The following FOXP2 variants were observed in gnomAD, a reference collection of about 807,000 sequenced individuals.
FOXP2 encodes forkhead box protein P2.
In FOXP2, 12 loss-of-function variants were observed where a neutral mutation model predicts 115.8. That is an observed-to-expected ratio of 0.10 (90% confidence interval 0.07 to 0.17). The LOEUF (loss-of-function observed/expected upper bound fraction) is 0.17, where lower values mean the gene tolerates loss of function less well. Among genes scored for constraint, FOXP2 ranks in the 10% least tolerant of loss-of-function variants. The pLI is 1.00. For synonymous variants in FOXP2, 328 were observed against 297.7 expected, an observed-to-expected ratio of 1.10 and a Z score of -1.05; for missense variants, 629 against 843.5, an observed-to-expected ratio of 0.75 and a Z score of 3.15.
chr7:114,673,581 A>G (rs2129346382), intron 16 of FOXP2, among the ~76,000 whole-genome samples: 1 of 152,362 alleles, frequency 6.6e-6, no homozygotes, highest in East Asian at 1.9e-4. Flanking sequence ...ATTTCAATAT[A>G]ATGTTGAAGG....
At chr7:114,388,434 A>G (rs1455941957) in intron 2 of FOXP2, among the ~76,000 whole-genome samples, 1 of 151,166 alleles carries the variant, frequency 6.6e-6, no homozygotes, top group Non-Finnish European at 1.5e-5. Flanking sequence ...GCATTTTAAA[A>G]TCATAGACCT....
At chr7:114,439,779 G>T (rs1406830215) in intron 2 of FOXP2, among the ~76,000 whole-genome samples, 2 of 151,850 alleles carry the variant, frequency 1.3e-5, no homozygotes, top group African/African-American at 4.8e-5. Flanking sequence ...TTGGCATGTT[G>T]CCCAGACTGG....
intron 2 of FOXP2, among the ~76,000 whole-genome samples, chr7:114,534,144 T>C (rs1433301602): frequency 2.0e-5 from 3 of 151,960 alleles, no homozygotes; most frequent in Non-Finnish European, 1.5e-5. Context: ...TTTTAATCTT[T>C]AGTGAAAATC....
intron 1 of FOXP2, among the ~76,000 whole-genome samples, chr7:114,175,028 A>C (rs1315336035): frequency 6.6e-6 from 1 of 152,126 alleles, no homozygotes; most frequent in Non-Finnish European, 1.5e-5. Flanking sequence ...CAGACACTAA[A>C]GAGAGGGTTG....
intron 1 of FOXP2, among the ~76,000 whole-genome samples, chr7:114,257,872 A>G (rs1428208681): frequency 6.6e-6 from 1 of 152,222 alleles, no homozygotes; most frequent in African/African-American, 2.4e-5. Flanking sequence ...ACATGGGAGC[A>G]TGCTTTGTAT....
At chr7:114,470,807 T>C (rs1177265024) in intron 2 of FOXP2, among the ~76,000 whole-genome samples, 1 of 152,042 alleles carries the variant, frequency 6.6e-6, no homozygotes, top group African/African-American at 2.4e-5. Context: ...CCATCCTCCT[T>C]CTCCATGTTT....
At chr7:114,605,455 A>G (rs913640196) in intron 3 of FOXP2, among the ~76,000 whole-genome samples, 1 of 152,206 alleles carries the variant, frequency 6.6e-6, no homozygotes, top group Non-Finnish European at 1.5e-5. Flanking sequence ...AATAAAGCAC[A>G]TCATTTCTCC....
chr7:114,420,116 A>C (rs1453080000), intron 1 of FOXP2, among the ~76,000 whole-genome samples: 1 of 151,916 alleles, frequency 6.6e-6, no homozygotes, highest in African/African-American at 2.4e-5. Flanking sequence ...GGGAGACTGA[A>C]GATTGAAGTA....
In FOXP2 at chr7:114,628,665, C is replaced by T; in HGVS notation, c.384C>T (p.Val128=). 1.2e-6 allele frequency: 2 copies of T among 1,614,024 alleles called. No homozygotes were observed. The highest frequency in any genetic ancestry group is 8.5e-7 in the Non-Finnish European group (1 of 1,179,980). The change falls in exon 4 of 17, where the codon GTC becomes GTT. Residue 128 remains valine, a synonymous_variant. Transcript: ENST00000350908. The part of the protein sequence containing the change: ...LQALLQQQQA[V]MLQQQQLQEF... ...CCCTTCTCCAACAACAGCAGGCTGT[C>T]ATGCTGCAGCAGGTAATGTGGGTTA...
At chr7:114,321,837 T>C (rs1348455955) in intron 2 of FOXP2, among the ~76,000 whole-genome samples, 1 of 152,144 alleles carries the variant, frequency 6.6e-6, no homozygotes, top group Non-Finnish European at 1.5e-5. Flanking sequence ...TCAAAGTAAA[T>C]ACTTTTATTT....
chr7:114,099,847 C>T (rs1420299395), intron 1 of FOXP2, among the ~76,000 whole-genome samples: 1 of 152,072 alleles, frequency 6.6e-6, no homozygotes, highest in East Asian at 1.9e-4. Context: ...GTCTAAAGAT[C>T]TAATATACAA....
intron 2 of FOXP2, among the ~76,000 whole-genome samples, chr7:114,391,649 C>T (rs571077466): frequency 1.3e-5 from 2 of 152,282 alleles, no homozygotes; most frequent in South Asian, 4.1e-4. Flanking sequence ...TCCACAAATA[C>T]TAACTTAACA....
intron 2 of FOXP2, among the ~76,000 whole-genome samples, chr7:114,509,403 AG>A (rs1797967454): frequency 6.6e-6 from 1 of 151,998 alleles, no homozygotes; most frequent in Admixed American, 6.6e-5. Context: ...AAATGGAAAG[AG>A]GAAAATGGAA....
chr7:114,165,244 C>A (rs556274688), intron 1 of FOXP2, among the ~76,000 whole-genome samples: 2 of 152,186 alleles, frequency 1.3e-5, no homozygotes, highest in South Asian at 2.1e-4. Context: ...TCCTTCTCAC[C>A]TCTCCTATTC....
chr7:114,259,009 T>C (rs1216146452), intron 1 of FOXP2, among the ~76,000 whole-genome samples: 1 of 152,144 alleles, frequency 6.6e-6, no homozygotes, highest in African/African-American at 2.4e-5. Context: ...TAGAAGAGTA[T>C]GTTAGAGGTC....
chr7:114,216,926 A>T (rs1794499731), intron 1 of FOXP2, among the ~76,000 whole-genome samples: 1 of 152,176 alleles, frequency 6.6e-6, no homozygotes, highest in African/African-American at 2.4e-5. Flanking sequence ...TTTAAAATAT[A>T]ATAACAATAT....
chr7:114,676,751 T>C (rs1488159865), intron 16 of FOXP2, among the ~76,000 whole-genome samples: 1 of 152,174 alleles, frequency 6.6e-6, no homozygotes, highest in Non-Finnish European at 1.5e-5. Context: ...ACTAGAATTA[T>C]AATAAGAAAA....
intron 2 of FOXP2, among the ~76,000 whole-genome samples, chr7:114,469,003 C>T (rs1303729157): frequency 3.3e-5 from 5 of 152,092 alleles, no homozygotes; most frequent in Admixed American, 3.3e-4. Flanking sequence ...TTCACTTGGC[C>T]TCTCTTTTTG....
rs539287348 is a variant in FOXP2 at position 114,650,009 on chromosome 7, G to A, written c.1095-2194G>A. ...TTTCGCCTTCATACAGGAGAATAAA[G>A]GACTATTTTAATGGCAAGGTTCTTT... On this transcript the variant is annotated intron_variant, in intron 8 of 16. Coordinates refer to ENST00000350908, the MANE Select transcript of FOXP2 (RefSeq NM_014491.4). Among the ~76,000 whole-genome samples the A allele has an allele frequency of 3.3e-5, 5 of 152,088 alleles. No individual in the cohort carries two copies. In the East Asian group the frequency reaches 7.7e-4, roughly 23 times the overall value.
Sources: allele counts gnomAD v4.1 joint callset (sites outside exome capture counted in the v4.1 genomes callset), GRCh38; gene constraint gnomAD v4.1.1; transcripts MANE v1.5; gene names NCBI Gene and HGNC (gene_info 2026-07-23, HGNC 2026-07-21).